Variants in MPPED2 observed in about 807,000 individuals in gnomAD.
The protein encoded by MPPED2 is metallophosphoesterase domain containing 2.
In MPPED2, 5 loss-of-function variants were observed where a neutral mutation model predicts 33.0. That is an observed-to-expected ratio of 0.15 (90% CI 0.08 to 0.32). MPPED2 has a LOEUF of 0.32. MPPED2 is among the 10% of genes least tolerant of loss of function. The probability of loss-of-function intolerance (pLI) is 1.00; values close to 1 mark genes in which losing one functional copy is unlikely to be tolerated. For synonymous variants in MPPED2, 136 were observed against 141.9 expected, an observed-to-expected ratio of 0.96 and a Z score of 0.29; for missense variants, 275 against 372.1, an observed-to-expected ratio of 0.74 and a Z score of 2.15.
chr11:30,431,686 G>T (rs995444070), intron 4 of MPPED2, among the ~76,000 whole-genome samples: 40 of 152,280 alleles, frequency 2.6e-4, no homozygotes, highest in African/African-American at 8.4e-4. Context: ...TATAGCCATT[G>T]AATTTACTCA....
At chr11:30,543,035 A>T (rs1355468914) in intron 2 of MPPED2, among the ~76,000 whole-genome samples, 2 of 152,214 alleles carry the variant, frequency 1.3e-5, no homozygotes, top group Non-Finnish European at 1.5e-5. Flanking sequence ...AGTCATGGAT[A>T]ATTTACATGA....
At chr11:30,513,419 G>C (rs1469298160) in intron 3 of MPPED2, among the ~76,000 whole-genome samples, 1 of 152,190 alleles carries the variant, frequency 6.6e-6, no homozygotes, top group Non-Finnish European at 1.5e-5. Context: ...TATCAACCAA[G>C]TGTCTTTCCA....
intron 4 of MPPED2, among the ~76,000 whole-genome samples, chr11:30,423,164 C>T (rs1248433749): frequency 6.6e-6 from 1 of 152,134 alleles, no homozygotes; most frequent in Non-Finnish European, 1.5e-5. Flanking sequence ...GAGGCTTGGA[C>T]AGGTGAATAG....
chr11:30,469,779 C>T (rs1246015132), intron 4 of MPPED2, among the ~76,000 whole-genome samples: 4 of 152,110 alleles, frequency 2.6e-5, no homozygotes, highest in African/African-American at 9.7e-5. Flanking sequence ...TCCATATCCC[C>T]CATTGATTAG....
chr11:30,585,189 G>C (rs1237556172), intron 1 of MPPED2, among the ~76,000 whole-genome samples: 1 of 152,150 alleles, frequency 6.6e-6, no homozygotes, highest in African/African-American at 2.4e-5. Context: ...AGAAACTCCT[G>C]CCTCTGTAGA....
chr11:30,497,681 C>G (rs1952343897), intron 3 of MPPED2, among the ~76,000 whole-genome samples: 1 of 151,850 alleles, frequency 6.6e-6, no homozygotes, highest in South Asian at 2.1e-4. Flanking sequence ...TATATTTTCC[C>G]CCTTCAGACT....
At chr11:30,408,807 A>G (rs1238510352), downstream of MPPED2, among the ~76,000 whole-genome samples, 1 of 152,218 alleles carries the variant, frequency 6.6e-6, no homozygotes, top group Non-Finnish European at 1.5e-5. Context: ...GAAGATTAGT[A>G]ACAAAATACA....
At chr11:30,459,393 C>T (rs1328325761) in intron 4 of MPPED2, among the ~76,000 whole-genome samples, 1 of 152,188 alleles carries the variant, frequency 6.6e-6, no homozygotes, top group Non-Finnish European at 1.5e-5. Flanking sequence ...AAATACACAA[C>T]ATCACTATGA....
intron 2 of MPPED2, among the ~76,000 whole-genome samples, chr11:30,554,900 T>C (rs1007454596): frequency 2.0e-5 from 3 of 152,148 alleles, no homozygotes; most frequent in Admixed American, 2.0e-4. Context: ...ACACTGCTCA[T>C]TGTGATTTCT....
At chr11:30,496,703 T>C (rs1412428703) in intron 3 of MPPED2, among the ~76,000 whole-genome samples, 1 of 790 alleles carries the variant, frequency 1.3e-3, no homozygotes, top group Admixed American at 0.024. Flanking sequence ...GAAGAGAATT[T>C]TGTGGGCGGG....
intron 3 of MPPED2, among the ~76,000 whole-genome samples, chr11:30,523,871 C>T (rs764504724): frequency 2.0e-5 from 3 of 152,086 alleles, no homozygotes; most frequent in Non-Finnish European, 4.4e-5. Flanking sequence ...GGCATTTGAG[C>T]AGAAATTGAC....
At chr11:30,465,361 C>T (rs1001761341) in intron 4 of MPPED2, among the ~76,000 whole-genome samples, 1 of 152,186 alleles carries the variant, frequency 6.6e-6, no homozygotes, top group Admixed American at 6.5e-5. Context: ...GATCTCAGCT[C>T]ACTGCAACAT....
chr11:30,512,787 G>A (rs1953294984), intron 3 of MPPED2, among the ~76,000 whole-genome samples: 2 of 152,146 alleles, frequency 1.3e-5, no homozygotes. Flanking sequence ...GATCACCCAA[G>A]GTCAGGAGTT....
At chr11:30,542,313 A>G (rs1201499055) in intron 2 of MPPED2, among the ~76,000 whole-genome samples, 2 of 152,106 alleles carry the variant, frequency 1.3e-5, no homozygotes, top group African/African-American at 4.8e-5. Context: ...ATGTGTAGTA[A>G]CACATTAAAA....
intron 2 of MPPED2, among the ~76,000 whole-genome samples, chr11:30,556,068 C>T (rs1021983967): frequency 6.6e-6 from 1 of 152,140 alleles, no homozygotes; most frequent in African/African-American, 2.4e-5. Context: ...CCATGACTTA[C>T]GAGAGTGAGG....
At chr11:30,485,471 A>ATTTAC in intron 4 of MPPED2, among the ~76,000 whole-genome samples, 1 of 151,798 alleles carries the variant, frequency 6.6e-6, no homozygotes. Flanking sequence ...CATGTGTAAC[A>ATTTAC]AGGTAAATAA....
intron 1 of MPPED2, 24 bp from the exon 2 acceptor site, chr11:30,580,518 T>C (rs1243326049): frequency 1.4e-6 from 2 of 1,412,622 alleles, no homozygotes; most frequent in African/African-American, 2.9e-5. Context: ...AAAATGTATA[T>C]AAAATGAGAA....
chr11:30,583,397 A>T (rs1481076122), intron 1 of MPPED2, among the ~76,000 whole-genome samples: 1 of 151,924 alleles, frequency 6.6e-6, no homozygotes, highest in Non-Finnish European at 1.5e-5. Flanking sequence ...CTTTTCATAA[A>T]TTTTCATTTT....
intron 4 of MPPED2, among the ~76,000 whole-genome samples, chr11:30,481,558 C>A (rs909058414): frequency 6.6e-6 from 1 of 152,058 alleles, no homozygotes; most frequent in Non-Finnish European, 1.5e-5. Flanking sequence ...ACAAGTCGAG[C>A]CCTGTTTTGC....
Sources: allele counts gnomAD v4.1 joint callset (sites outside exome capture counted in the v4.1 genomes callset), GRCh38; gene constraint gnomAD v4.1.1; transcripts MANE v1.5; gene names NCBI Gene and HGNC (gene_info 2026-07-23, HGNC 2026-07-21).